MROH2B: variants seen among roughly 807,000 people sequenced by gnomAD.
The protein encoded by MROH2B is maestro heat-like repeat-containing protein family member 2B.
A neutral mutation model predicts 208.6 loss-of-function variants in MROH2B; 177 were observed. That is an observed-to-expected ratio of 0.85 (90% CI 0.75 to 0.96). The LOEUF is 0.96. Among genes scored for constraint, MROH2B ranks in the 40% least tolerant of loss-of-function variants. The probability of loss-of-function intolerance (pLI) is 0.00; values close to 1 mark genes in which losing one functional copy is unlikely to be tolerated. For missense variants in MROH2B, 2,002 were observed against 1,878.7 expected, an observed-to-expected ratio of 1.07 and a Z score of -1.21; for synonymous variants, 728 against 659.0, an observed-to-expected ratio of 1.10 and a Z score of -1.60.
At chr5:41,035,122 A>T (rs1742712396) in intron 21 of MROH2B, among the ~76,000 whole-genome samples, 1 of 151,426 alleles carries the variant, frequency 6.6e-6, no homozygotes, top group African/African-American at 2.5e-5. Flanking sequence ...TGGAACAACG[A>T]AAAAAAGCCT....
chr5:41,033,396 CT>C (rs922114313), intron 22 of MROH2B, among the ~76,000 whole-genome samples: 2 of 152,070 alleles, frequency 1.3e-5, no homozygotes, highest in African/African-American at 4.8e-5. Context: ...GCTTTCAAAA[CT>C]TTTTGACCAT....
intron 20 of MROH2B, 31 bp downstream of exon 20, chr5:41,039,417 C>T (rs749093671): frequency 1.5e-6 from 2 of 1,357,870 alleles, no homozygotes; most frequent in Non-Finnish European, 2.1e-6. Context: ...CCTTGCAATA[C>T]TGAGAATTTG....
chr5:41,019,040 G>A (rs1742056341), intron 24 of MROH2B, 22 bp from the exon 25 acceptor site: 1 of 1,613,500 alleles, frequency 6.2e-7, no homozygotes, highest in Non-Finnish European at 8.5e-7. Flanking sequence ...ACCAGGTGGA[G>A]GAATGGATAT....
chr5:41,067,877 C>A (rs1018143150), intron 2 of MROH2B, among the ~76,000 whole-genome samples: 2 of 152,180 alleles, frequency 1.3e-5, no homozygotes, highest in African/African-American at 4.8e-5. Flanking sequence ...TTAATTGCTG[C>A]CCTTACTATC....
chr5:41,027,551 G>T (rs62357111), intron 24 of MROH2B, among the ~76,000 whole-genome samples: 2,320 of 152,294 alleles, frequency 0.015, 53 homozygotes, highest in Non-Finnish European at 0.019. Flanking sequence ...AGGTGCTGGA[G>T]AGGATGTGGA....
At chr5:41,017,266 T>C (rs1165083276) in intron 28 of MROH2B, among the ~76,000 whole-genome samples, 1 of 152,218 alleles carries the variant, frequency 6.6e-6, no homozygotes, top group South Asian at 2.1e-4. Flanking sequence ...TAAAAATTCC[T>C]AATATTTTGT....
intron 28 of MROH2B, among the ~76,000 whole-genome samples, chr5:41,017,508 A>T (rs1468653174): frequency 6.6e-6 from 1 of 152,226 alleles, no homozygotes; most frequent in Non-Finnish European, 1.5e-5. Context: ...ATGGATCTTT[A>T]TAATGCTTCA....
chr5:41,024,321 AATAAAGGG>A (rs200806709), intron 24 of MROH2B, among the ~76,000 whole-genome samples: 2,162 of 152,314 alleles, frequency 0.014, 53 homozygotes, highest in African/African-American at 0.049. Flanking sequence ...ATAGGCTCAA[AATAAAGGG>A]ATGAAGGAAG....
intron 33 of MROH2B, 107 bp from the exon 34 acceptor site, chr5:41,007,561 A>T: frequency 9.1e-7 from 1 of 1,100,326 alleles, no homozygotes; most frequent in Non-Finnish European, 1.2e-6. Flanking sequence ...CCCCTGGACT[A>T]GGGGATGTTG....
intron 1 of MROH2B, 124 bp downstream of exon 1, chr5:41,070,701 A>T: frequency 2.3e-6 from 2 of 885,542 alleles, no homozygotes; most frequent in Non-Finnish European, 3.5e-6. Context: ...CATTTCATAA[A>T]TCCTTTGAGG....
intron 24 of MROH2B, among the ~76,000 whole-genome samples, chr5:41,030,792 G>C (rs796272163): frequency 6.0e-4 from 92 of 152,162 alleles, no homozygotes; most frequent in African/African-American, 2.1e-3. Flanking sequence ...ACAGAATAGA[G>C]AACCCAAAAA....
At chr5:41,057,414 C>G (rs1473363523) in intron 7 of MROH2B, 54 bp from the exon 8 acceptor site, 45 of 1,351,062 alleles carry the variant, frequency 3.3e-5, no homozygotes, top group Non-Finnish European at 4.4e-5. Flanking sequence ...AGCAGCTGCA[C>G]AGGATGTGGA....
Position 41,015,402 on chromosome 5 carries a change from C to A in MROH2B, c.2961G>T (p.Lys987Asn). 6.2e-7 allele frequency: 1 copy of A among 1,613,458 alleles called. No homozygotes were observed. Among genetic ancestry groups the A allele is most frequent in the Non-Finnish European group, 8.5e-7 (1 of 1,179,594 alleles). ...TTACCTTAGCTATTTTAGAAGAAAT[C>A]TTGATCTGAACCTGCACGTCATCAC... is the stretch of plus-strand genomic sequence containing the variant. The part of the protein sequence containing the change: ...LESDDVQVQI[K>N]ISSKIAKIVS... Residue 987 changes from lysine (K) to asparagine (N), a missense_variant, in exon 29 of 42, where the codon AAG becomes AAT. Transcript: ENST00000399564.
At position 41,050,946 on chromosome 5, in the gene MROH2B, T is replaced by C. The variant is rs529069691; in HGVS notation, c.1344+31A>G. On this transcript the variant is annotated intron_variant, in intron 13 of 41. Transcript: ENST00000399564. ...CTGGGCTTTAAGAAGGTGATCAAAG[T>C]AACTGTAAGTGGTGACAAAAGACCA... 7 of 1,401,160 alleles carry C rather than the reference T, an allele frequency of 5.0e-6. No homozygotes were observed. The East Asian group carries it at 1.5e-4, about 30-fold the overall frequency. 86.8% of individuals were successfully genotyped at this position (1,401,160 alleles called of 1,614,324 possible).
At chr5:41,004,316 G>A (rs1167420927) in intron 37 of MROH2B, 30 bp downstream of exon 37, 2 of 1,603,764 alleles carry the variant, frequency 1.2e-6, no homozygotes, top group African/African-American at 2.7e-5. Context: ...TCACTTCTGG[G>A]GAGGGAAGTT....
At chr5:41,066,560 T>C (rs1743821235) in intron 3 of MROH2B, among the ~76,000 whole-genome samples, 2 of 152,184 alleles carry the variant, frequency 1.3e-5, no homozygotes, top group African/African-American at 4.8e-5. Context: ...GGTACTCTCA[T>C]GAATGACAAT....
At chr5:41,003,908 T>C (rs781178493) in intron 37 of MROH2B, among the ~76,000 whole-genome samples, 16 of 152,346 alleles carry the variant, frequency 1.1e-4, no homozygotes, top group Middle Eastern at 3.4e-3. Context: ...CTGATCTTTT[T>C]TGAAATTGCG....
At chr5:41,026,052 T>C (rs1186355169) in intron 24 of MROH2B, among the ~76,000 whole-genome samples, 3 of 148,686 alleles carry the variant, frequency 2.0e-5, no homozygotes, top group Non-Finnish European at 3.0e-5. Flanking sequence ...TAATAAGAGC[T>C]ATTTATGACA....
intron 40 of MROH2B, 106 bp downstream of exon 40, chr5:40,999,571 A>C: frequency 1.3e-6 from 1 of 799,954 alleles, no homozygotes; most frequent in Admixed American, 3.2e-5. Flanking sequence ...TTAATAAAAA[A>C]GTTATACCAG....
Sources: gnomAD v4.1 joint callset for allele counts (sites outside exome capture counted in the v4.1 genomes callset) on GRCh38, gnomAD v4.1.1 for gene constraint, MANE v1.5 for transcripts, NCBI Gene and HGNC (gene_info 2026-07-23, HGNC 2026-07-21) for gene names.